Variants in DHRSX observed in about 807,000 individuals in gnomAD.
DHRSX encodes the protein dehydrogenase/reductase X-linked.
In DHRSX, 31 loss-of-function variants were observed where a neutral mutation model predicts 34.0. That is an observed-to-expected ratio of 0.91 (90% CI 0.69 to 1.23). The LOEUF (loss-of-function observed/expected upper bound fraction) is 1.23, where lower values mean the gene tolerates loss of function less well. DHRSX is among the 50% of genes most tolerant of loss of function. The probability of loss-of-function intolerance (pLI) is 0.00; values close to 1 mark genes in which losing one functional copy is unlikely to be tolerated. For missense variants in DHRSX, 414 were observed against 428.1 expected (o/e 0.97, Z 0.29); for synonymous variants, 201 against 183.8 (o/e 1.09, Z -0.76).
intron 2 of DHRSX, among the ~76,000 whole-genome samples, chrX:2,414,426 A>G (rs959010121): frequency 6.6e-6 from 1 of 151,872 alleles, no homozygotes; most frequent in Non-Finnish European, 1.5e-5. Flanking sequence ...ACCCTAACCC[A>G]ACTAGAACTC....
chrX:2,344,860 T>A (rs2042681623), intron 3 of DHRSX, among the ~76,000 whole-genome samples: 1 of 127,196 alleles, frequency 7.9e-6, no homozygotes, highest in Non-Finnish European at 1.6e-5. Context: ...ACTTAAAGTA[T>A]ATAAAAAGAA....
chrX:2,371,690 CGCCCCTCCTCCTCCCATTATCACA>C (rs1477990366), intron 3 of DHRSX, among the ~76,000 whole-genome samples: 28 of 112,640 alleles, frequency 2.5e-4, no homozygotes, highest in East Asian at 8.9e-4. Flanking sequence ...CCATTATCAC[CGCCCCTCCTCCTCCCATTATCACA>C]GCCCCTCCTC....
At chrX:2,369,712 C>G (rs1344254598) in intron 3 of DHRSX, among the ~76,000 whole-genome samples, 3 of 152,092 alleles carry the variant, frequency 2.0e-5, no homozygotes, top group African/African-American at 7.2e-5. Context: ...CCATGTTGGC[C>G]AGGCTGGTCT....
Position 2,255,665 on chromosome X carries a change from C to T in DHRSX, c.596+11075G>A, listed in dbSNP as rs148849738. On this transcript the variant is annotated intron_variant, in intron 5 of 6. Coordinates refer to ENST00000334651, the MANE Select transcript of DHRSX (RefSeq NM_145177.3). Reference sequence around the variant, plus strand: ...GTGGGTCACACCTGTAATCCCAGCACATTGGGAAGTCGAAGTGGGCAGATC... The same window carrying T: ...GTGGGTCACACCTGTAATCCCAGCATATTGGGAAGTCGAAGTGGGCAGATC... Among the ~76,000 whole-genome samples, 1,200 of 152,008 alleles carry T rather than the reference C, an allele frequency of 7.9e-3. 8 individuals are homozygous for T. The highest frequency in any genetic ancestry group is 0.025 in the African/African-American group (1,034 of 41,476).
At chrX:2,421,556 G>A (rs1216387238) in intron 2 of DHRSX, among the ~76,000 whole-genome samples, 1 of 152,236 alleles carries the variant, frequency 6.6e-6, no homozygotes, top group East Asian at 1.9e-4. Context: ...TGAACATGGG[G>A]TTTCCCCATC....
chrX:2,443,509 C>T (rs2044088289), intron 1 of DHRSX, among the ~76,000 whole-genome samples: 1 of 152,080 alleles, frequency 6.6e-6, no homozygotes, highest in Admixed American at 6.6e-5. Flanking sequence ...GACACAGCAC[C>T]CCGAAACGAG....
intron 6 of DHRSX, among the ~76,000 whole-genome samples, chrX:2,223,754 G>C (rs1015275319): frequency 1.3e-5 from 2 of 152,056 alleles, no homozygotes; most frequent in African/African-American, 4.8e-5. Context: ...TTGCGGCTGT[G>C]TTCTGCCCAA....
intron 3 of DHRSX, among the ~76,000 whole-genome samples, chrX:2,301,420 A>C (rs950780149): frequency 2.6e-5 from 4 of 152,186 alleles, no homozygotes; most frequent in Non-Finnish European, 4.4e-5. Context: ...CTCAAAAAAA[A>C]AGCTGTGTAA....
At chrX:2,484,880 G>A (rs909553191) in intron 1 of DHRSX, among the ~76,000 whole-genome samples, 6 of 141,754 alleles carry the variant, frequency 4.2e-5, no homozygotes, top group African/African-American at 1.6e-4. Context: ...ACGAGCAAAT[G>A]AACGTCACCA....
chrX:2,256,156 G>A (rs2041275073), intron 5 of DHRSX, among the ~76,000 whole-genome samples: 6 of 150,932 alleles, frequency 4.0e-5, no homozygotes, highest in Middle Eastern at 3.5e-3. Context: ...CACCATGCCT[G>A]GCTAATTTTT....
chrX:2,356,683 TCTC>T (rs1340229194), intron 3 of DHRSX, among the ~76,000 whole-genome samples: 1 of 152,112 alleles, frequency 6.6e-6, no homozygotes, highest in Non-Finnish European at 1.5e-5. Context: ...TCTTCCTCCT[TCTC>T]CTCCTCAGCC....
chrX:2,477,523 T>C (rs992141310), intron 1 of DHRSX, among the ~76,000 whole-genome samples: 6 of 152,152 alleles, frequency 3.9e-5, no homozygotes, highest in Non-Finnish European at 8.8e-5. Context: ...AAACAGTTTA[T>C]CTGTGAGTTT....
chrX:2,451,651 C>G (rs2044219412), intron 1 of DHRSX, among the ~76,000 whole-genome samples: 1 of 152,184 alleles, frequency 6.6e-6, no homozygotes, highest in Non-Finnish European at 1.5e-5. Context: ...GGCTGCGTCT[C>G]TCACTGTGCC....
At chrX:2,344,568 C>T (rs1357652289) in intron 3 of DHRSX, among the ~76,000 whole-genome samples, 2 of 151,940 alleles carry the variant, frequency 1.3e-5, no homozygotes, top group African/African-American at 4.8e-5. Flanking sequence ...TTTGCAGGGA[C>T]ATGGATGAAG....
intron 3 of DHRSX, among the ~76,000 whole-genome samples, chrX:2,373,213 A>T (rs62583743): frequency 0.27 from 41,052 of 152,052 alleles, 7,263 homozygotes; most frequent in Non-Finnish European, 0.41. Context: ...CGCGCCCATG[A>T]TTCAATTTCC....
chrX:2,353,917 C>G (rs1198261946), intron 3 of DHRSX, among the ~76,000 whole-genome samples: 2 of 152,050 alleles, frequency 1.3e-5, no homozygotes, highest in Non-Finnish European at 2.9e-5. Context: ...TATGCACACA[C>G]CTCAGTTTGG....
At chrX:2,354,372 G>A (rs2042823254) in intron 3 of DHRSX, among the ~76,000 whole-genome samples, 1 of 152,158 alleles carries the variant, frequency 6.6e-6, no homozygotes, top group Admixed American at 6.5e-5. Context: ...ATGACACCAG[G>A]GATTCCCTCA....
chrX:2,391,952 A>G (rs2043340182), intron 3 of DHRSX, among the ~76,000 whole-genome samples: 1 of 152,176 alleles, frequency 6.6e-6, no homozygotes, highest in African/African-American at 2.4e-5. Flanking sequence ...AAAGAAATTC[A>G]AGAGGGACTG....
chrX:2,344,890 T>C (rs1250929009), intron 3 of DHRSX, among the ~76,000 whole-genome samples: 3 of 132,286 alleles, frequency 2.3e-5, no homozygotes, highest in African/African-American at 6.4e-5. Flanking sequence ...TATATATATA[T>C]ATATATATAT....
Sources: gnomAD v4.1 joint callset for allele counts (sites outside exome capture counted in the v4.1 genomes callset) on GRCh38, gnomAD v4.1.1 for gene constraint, MANE v1.5 for transcripts, NCBI Gene and HGNC (gene_info 2026-07-23, HGNC 2026-07-21) for gene names.